Variants in PCDH9 observed in about 807,000 individuals in gnomAD.
The protein encoded by PCDH9 is protocadherin 9.
In PCDH9, 24 loss-of-function variants were observed where a neutral mutation model predicts 70.6. That is an observed-to-expected ratio of 0.34 (90% confidence interval 0.25 to 0.48). The LOEUF (loss-of-function observed/expected upper bound fraction) is 0.48, where lower values mean the gene tolerates loss of function less well. PCDH9 is among the 20% of genes least tolerant of loss of function. The probability of loss-of-function intolerance (pLI) is 0.99; values close to 1 mark genes in which losing one functional copy is unlikely to be tolerated. For missense variants in PCDH9, 1,281 were observed against 1,503.6 expected, an observed-to-expected ratio of 0.85 and a Z score of 2.45; for synonymous variants, 562 against 558.5, an observed-to-expected ratio of 1.01 and a Z score of -0.09.
intron 4 of PCDH9, among the ~76,000 whole-genome samples, chr13:66,432,498 C>A (rs1335680924): frequency 6.6e-6 from 1 of 151,714 alleles, no homozygotes. Flanking sequence ...ATTTTTGTAA[C>A]AATATGTAAT....
At chr13:66,987,634 A>G (rs569374451) in intron 2 of PCDH9, among the ~76,000 whole-genome samples, 2 of 152,174 alleles carry the variant, frequency 1.3e-5, no homozygotes, top group African/African-American at 4.8e-5. Flanking sequence ...TATATTATGA[A>G]GAATTGCATA....
intron 4 of PCDH9, among the ~76,000 whole-genome samples, chr13:66,608,133 T>G (rs1344675272): frequency 2.6e-5 from 4 of 151,882 alleles, no homozygotes; most frequent in African/African-American, 9.6e-5. Flanking sequence ...ACTTGTCTTT[T>G]AAAACACAAG....
At chr13:66,950,403 T>C (rs1331928547) in intron 2 of PCDH9, among the ~76,000 whole-genome samples, 5 of 152,112 alleles carry the variant, frequency 3.3e-5, no homozygotes, top group African/African-American at 9.7e-5. Context: ...TGCTATGCCA[T>C]GCAGGAATCT....
intron 2 of PCDH9, among the ~76,000 whole-genome samples, chr13:67,061,439 C>T (rs749468754): frequency 5.3e-5 from 8 of 151,988 alleles, no homozygotes; most frequent in African/African-American, 7.2e-5. Context: ...GTATATCCAA[C>T]ACAGTTACAA....
At chr13:66,403,299 CT>C (rs977254749) in intron 4 of PCDH9, among the ~76,000 whole-genome samples, 28 of 147,260 alleles carry the variant, frequency 1.9e-4, no homozygotes, top group South Asian at 4.4e-4. Context: ...CCATGCCTGG[CT>C]TTTTTTTTTG....
intron 4 of PCDH9, among the ~76,000 whole-genome samples, chr13:66,382,202 A>T (rs145892590): frequency 6.6e-6 from 1 of 152,336 alleles, no homozygotes; most frequent in Admixed American, 6.5e-5. Flanking sequence ...CATCTTCTAA[A>T]TTCATCATGA....
intron 4 of PCDH9, among the ~76,000 whole-genome samples, chr13:66,495,460 G>A (rs1294672407): frequency 2.0e-5 from 3 of 152,130 alleles, no homozygotes; most frequent in Non-Finnish European, 4.4e-5. Flanking sequence ...CCTTCAAGGC[G>A]AGATGGGGAC....
At chr13:67,090,251 A>C (rs1388856112) in intron 2 of PCDH9, among the ~76,000 whole-genome samples, 2 of 152,010 alleles carry the variant, frequency 1.3e-5, no homozygotes, top group East Asian at 3.8e-4. Flanking sequence ...ACTTGTGAAA[A>C]TGCATATTCT....
At chr13:66,694,233 A>G (rs573371539) in intron 3 of PCDH9, among the ~76,000 whole-genome samples, 5 of 152,360 alleles carry the variant, frequency 3.3e-5, no homozygotes, top group African/African-American at 1.2e-4. Context: ...GAAGAAATGC[A>G]TTAACAAAAG....
intron 4 of PCDH9, among the ~76,000 whole-genome samples, chr13:66,564,918 TGGAA>T (rs1377929676): frequency 6.6e-6 from 1 of 151,966 alleles, no homozygotes; most frequent in African/African-American, 2.4e-5. Flanking sequence ...CATAAATCAA[TGGAA>T]GGGTTATACT....
intron 4 of PCDH9, among the ~76,000 whole-genome samples, chr13:66,493,523 C>T (rs9529073): frequency 0.55 from 84,002 of 151,810 alleles, 23,799 homozygotes; most frequent in East Asian, 0.66. Flanking sequence ...ATTTAATTGG[C>T]TACCATAAAA....
chr13:67,138,692 G>A (rs1482457927), intron 2 of PCDH9, among the ~76,000 whole-genome samples: 1 of 152,172 alleles, frequency 6.6e-6, no homozygotes, highest in African/African-American at 2.4e-5. Flanking sequence ...ATTGTGGAGG[G>A]TATTTTCATT....
chr13:66,945,881 G>A (rs1305282683), intron 2 of PCDH9, among the ~76,000 whole-genome samples: 1 of 152,080 alleles, frequency 6.6e-6, no homozygotes, highest in African/African-American at 2.4e-5. Context: ...GAATTGCTAG[G>A]CTTTGAGATA....
intron 2 of PCDH9, among the ~76,000 whole-genome samples, chr13:66,904,634 C>T (rs2082330262): frequency 6.6e-6 from 1 of 151,794 alleles, no homozygotes; most frequent in Admixed American, 6.6e-5. Context: ...TGCCATGTTT[C>T]CTATTCATCA....
intron 4 of PCDH9, among the ~76,000 whole-genome samples, chr13:66,487,637 A>G (rs1305603079): frequency 6.6e-6 from 1 of 152,126 alleles, no homozygotes; most frequent in Non-Finnish European, 1.5e-5. Context: ...AACGTTGTAA[A>G]ATGACTTGTA....
chr13:66,801,479 T>A (rs1047497069), intron 3 of PCDH9, among the ~76,000 whole-genome samples: 7 of 152,146 alleles, frequency 4.6e-5, no homozygotes, highest in Non-Finnish European at 7.4e-5. Context: ...GAAGTTTACA[T>A]ATTGCTGCAG....
intron 3 of PCDH9, among the ~76,000 whole-genome samples, chr13:66,838,683 G>A (rs78709374): frequency 0.013 from 2,016 of 152,090 alleles, 50 homozygotes; most frequent in African/African-American, 0.046. Context: ...GAAATAAAAT[G>A]TATGAGTTTA....
At chr13:67,005,750 G>A (rs1490276603) in intron 2 of PCDH9, among the ~76,000 whole-genome samples, 2 of 152,190 alleles carry the variant, frequency 1.3e-5, no homozygotes, top group East Asian at 3.9e-4. Flanking sequence ...GATGATGATT[G>A]CATTTTCTCC....
At chr13:66,955,373 A>G (rs1351330424) in intron 2 of PCDH9, among the ~76,000 whole-genome samples, 2 of 152,230 alleles carry the variant, frequency 1.3e-5, no homozygotes, top group Non-Finnish European at 2.9e-5. Flanking sequence ...AAATGAGCTG[A>G]GACCTGTCCC....
Sources: allele counts gnomAD v4.1 joint callset (sites outside exome capture counted in the v4.1 genomes callset), GRCh38; gene constraint gnomAD v4.1.1; transcripts MANE v1.5; gene names NCBI Gene and HGNC (gene_info 2026-07-23, HGNC 2026-07-21).